Variants in RIN2 observed in about 807,000 individuals in gnomAD.
The protein encoded by RIN2 is Ras and Rab interactor 2.
A neutral mutation model predicts 78.0 loss-of-function variants in RIN2; 36 were observed. The ratio of observed to expected loss-of-function variants is 0.46; its 90% CI spans 0.35 to 0.61. The LOEUF (loss-of-function observed/expected upper bound fraction) is 0.61, where lower values mean the gene tolerates loss of function less well. Among genes scored for constraint, RIN2 ranks in the 20% least tolerant of loss-of-function variants. The probability of loss-of-function intolerance (pLI) is 0.00; values close to 1 mark genes in which losing one functional copy is unlikely to be tolerated. For synonymous variants in RIN2, 466 were observed against 466.8 expected (o/e 1.00, Z 0.02); for missense variants, 1,087 against 1,159.7 (o/e 0.94, Z 0.91).
chr20:19,896,504 C>T (rs2038733962), intron 3 of RIN2, among the ~76,000 whole-genome samples: 1 of 152,200 alleles, frequency 6.6e-6, no homozygotes, highest in Admixed American at 6.5e-5. Context: ...CCCTTGGCCT[C>T]CCAGCAGATC....
chr20:19,935,022 G>C, intron 3 of RIN2, 77 bp from the exon 4 acceptor site: 1 of 1,033,084 alleles, frequency 9.7e-7, no homozygotes, highest in Admixed American at 2.0e-5. Context: ...CTATTGAAAA[G>C]CCTGAGTTCC....
intron 2 of RIN2, among the ~76,000 whole-genome samples, chr20:19,878,261 C>T (rs1256305199): frequency 6.6e-6 from 1 of 152,134 alleles, no homozygotes. Context: ...CCCGCGTGGC[C>T]CAAGCCTGCT....
intron 9 of RIN2, among the ~76,000 whole-genome samples, chr20:19,978,798 C>T (rs2042361126): frequency 6.6e-6 from 1 of 152,202 alleles, no homozygotes; most frequent in African/African-American, 2.4e-5. Flanking sequence ...GAGCCATCAC[C>T]TACTCTCACC....
chr20:19,759,249 CCTG>C (rs2033527455), intron 1 of RIN2, among the ~76,000 whole-genome samples: 1 of 152,158 alleles, frequency 6.6e-6, no homozygotes, highest in South Asian at 2.1e-4. Flanking sequence ...CTCTTAAATC[CCTG>C]GGGCTTTCCT....
chr20:19,995,261 T>TTAAAA (rs1555811955), intron 11 of RIN2, among the ~76,000 whole-genome samples: 4 of 122,706 alleles, frequency 3.3e-5, no homozygotes, highest in African/African-American at 1.3e-4. Flanking sequence ...GTTTTTTTTT[T>TTAAAA]AAAAAAAAAA....
In RIN2 at chr20:19,975,837, G is replaced by C. The variant is rs753004765; in HGVS notation, c.1762+50G>C. 42 of 1,491,584 alleles carry C rather than the reference G, an allele frequency of 2.8e-5. No individual in the cohort carries two copies. The South Asian group carries it at 4.6e-4, about 16-fold the overall frequency. The allele number at this position is 1,491,584 out of a possible 1,614,324, so 92.4% of individuals were successfully genotyped here. ...TAAAATCTATTGTAACTCTGTCCGG[G>C]CAGTGCAACCTATGTTTGTTATTTT... On this transcript the variant is annotated intron_variant, in intron 9 of 12. Transcript: ENST00000255006. This position sits in a 1 kb window ranked among gnomAD's most constrained non-coding sequence, Gnocchi z 4.9.
chr20:19,844,828 G>C (rs1394794992), intron 2 of RIN2, among the ~76,000 whole-genome samples: 6 of 151,818 alleles, frequency 4.0e-5, no homozygotes, highest in Non-Finnish European at 8.8e-5. Flanking sequence ...ATGGTTTGCT[G>C]CACCAATCAA....
At chr20:19,932,485 A>T (rs2040478390) in intron 3 of RIN2, among the ~76,000 whole-genome samples, 1 of 152,220 alleles carries the variant, frequency 6.6e-6, no homozygotes, top group South Asian at 2.1e-4. Flanking sequence ...ACTTTGCCAC[A>T]GAGATATGTA....
chr20:19,784,081 C>G (rs964634380), intron 1 of RIN2, among the ~76,000 whole-genome samples: 1 of 152,154 alleles, frequency 6.6e-6, no homozygotes, highest in Admixed American at 6.5e-5. Flanking sequence ...CACCGGATGG[C>G]GCTGCTTGAA....
intron 8 of RIN2, 70 bp from the exon 9 acceptor site, chr20:19,974,584 T>G (rs1031249161): frequency 4.9e-5 from 73 of 1,502,030 alleles, no homozygotes; most frequent in Middle Eastern, 4.3e-4. Flanking sequence ...GTGTGCTTTT[T>G]TTAATTTGTG....
chr20:19,813,057 G>A (rs1310593961), intron 2 of RIN2, among the ~76,000 whole-genome samples: 1 of 152,156 alleles, frequency 6.6e-6, no homozygotes, highest in Non-Finnish European at 1.5e-5. Flanking sequence ...ACCCCTGCAG[G>A]AAGAACACAG....
intron 3 of RIN2, among the ~76,000 whole-genome samples, chr20:19,914,620 C>T (rs1193544581): frequency 1.3e-5 from 2 of 152,114 alleles, no homozygotes; most frequent in Non-Finnish European, 2.9e-5. Flanking sequence ...CTGGATATAC[C>T]GACCTGGGAA....
At chr20:19,901,994 C>G (rs571559229) in intron 3 of RIN2, among the ~76,000 whole-genome samples, 1 of 119,692 alleles carries the variant, frequency 8.4e-6, no homozygotes. Flanking sequence ...TCAGCCTGGG[C>G]GACAGAACGA....
intron 4 of RIN2, among the ~76,000 whole-genome samples, chr20:19,942,118 A>AAAAAAAAAAAAAAAAAAAAAG (rs61328325): frequency 7.0e-6 from 1 of 142,994 alleles, no homozygotes; most frequent in African/African-American, 2.7e-5. Context: ...TCAAAAAAAA[A>AAAAAAAAAAAAAAAAAAAAAG]AAAAGAAAGA....
intron 6 of RIN2, among the ~76,000 whole-genome samples, chr20:19,964,360 C>T (rs956132571): frequency 3.3e-5 from 5 of 151,562 alleles, no homozygotes; most frequent in Non-Finnish European, 5.9e-5. Context: ...TCTCCCTCCT[C>T]GGCCTCCCAA....
intron 4 of RIN2, among the ~76,000 whole-genome samples, chr20:19,935,981 G>A (rs1184012897): frequency 6.6e-6 from 1 of 152,240 alleles, no homozygotes; most frequent in African/African-American, 2.4e-5. Context: ...AGCAGTGTGA[G>A]GCTGAGATTT....
intron 3 of RIN2, among the ~76,000 whole-genome samples, chr20:19,927,273 G>A (rs765699845): frequency 6.6e-6 from 1 of 152,100 alleles, no homozygotes; most frequent in African/African-American, 2.4e-5. Flanking sequence ...TAAGAGATGG[G>A]GTCTCACTCT....
chr20:19,847,081 A>G, intron 2 of RIN2, among the ~76,000 whole-genome samples: 1 of 152,190 alleles, frequency 6.6e-6, no homozygotes, highest in Non-Finnish European at 1.5e-5. Flanking sequence ...GGCAGACCAA[A>G]ATTAAATTAC....
At chr20:19,992,025 A>T in intron 10 of RIN2, 143 bp from the exon 11 acceptor site, 1 of 915,500 alleles carries the variant, frequency 1.1e-6, no homozygotes, top group Non-Finnish European at 1.6e-6. Flanking sequence ...GCTACATAGG[A>T]TTCCAGAAAC....
Sources: gnomAD v4.1 joint callset for allele counts (sites outside exome capture counted in the v4.1 genomes callset) on GRCh38, gnomAD v4.1.1 for gene constraint, Gnocchi (gnomAD v3.1) non-coding constraint, MANE v1.5 for transcripts, NCBI Gene and HGNC (gene_info 2026-07-23, HGNC 2026-07-21) for gene names.